The following TTLL7 variants were observed in gnomAD, a reference collection of about 807,000 sequenced individuals.
TTLL7 encodes tubulin tyrosine ligase like 7.
TTLL7 carries 53 observed loss-of-function variants against 120.2 expected under a neutral mutation model. The observed-to-expected ratio is 0.44, with a 90% CI of 0.35 to 0.55. The LOEUF is 0.55. Ranked by LOEUF, TTLL7 falls within the 20% of genes least tolerant of loss-of-function variation. TTLL7 has a pLI of 0.00. For synonymous variants in TTLL7, 353 were observed against 351.7 expected, an observed-to-expected ratio of 1.00 and a Z score of -0.04; for missense variants, 803 against 1,054.7, an observed-to-expected ratio of 0.76 and a Z score of 3.31.
Position 83,921,329 on chromosome 1 carries a change from T to G in TTLL7, c.1208A>C (p.Gln403Pro). Residue 403 changes from glutamine (Q) to proline (P), a missense_variant, in exon 11 of 21, where the codon CAA becomes CCA. Gln to Pro is a moderately conservative substitution (Grantham distance 76). This residue lies in a region of TTLL7 where 324 missense variants were observed against 507.7 expected (regional missense o/e 0.64). Coordinates refer to ENST00000260505, the MANE Select transcript of TTLL7 (RefSeq NM_024686.6). ...KAEAQRRLYG[Q>P]NSIKRLLPGS... is the part of the protein sequence containing the mutation. ...TGGTAAGAGCCTTTTAATTGAATTT[T>G]GACCATAGAGCCTCCTTTGAGCCTC... 1 of 1,612,784 alleles carries G rather than the reference T, an allele frequency of 6.2e-7. No individual in the cohort carries two copies. Among genetic ancestry groups the G allele is most frequent in the Non-Finnish European group, 8.5e-7 (1 of 1,179,824 alleles).
At chr1:83,911,667 G>A (rs1408475) in intron 14 of TTLL7, among the ~76,000 whole-genome samples, 6,275 of 152,062 alleles carry the variant, frequency 0.041, 154 homozygotes, top group Middle Eastern at 0.099. Flanking sequence ...AAATATTTGA[G>A]ATAAAAATAT....
rs371370514 is a variant in TTLL7 at position 83,989,334 on chromosome 1, C to T, written c.-177+9597G>A. Among the ~76,000 whole-genome samples, 99 of 152,230 alleles carry T rather than the reference C, an allele frequency of 6.5e-4. No individual in the cohort carries two copies. The South Asian group carries it at 0.012, about 19-fold the overall frequency. ...ACTTATATTTAAATCTTTAAAACAG[C>T]TAGTTTTTCTACACGGTGAGGGGTA... On this transcript the variant is annotated intron_variant, in intron 1 of 20. Transcript: ENST00000260505.
At chr1:83,960,249 G>A (rs893696318) in intron 1 of TTLL7, among the ~76,000 whole-genome samples, 2 of 152,106 alleles carry the variant, frequency 1.3e-5, no homozygotes, top group African/African-American at 4.8e-5. Context: ...GTCACTGAAG[G>A]ACTCTAAGAG....
At chr1:83,882,386 G>T (rs922600106) in intron 20 of TTLL7, among the ~76,000 whole-genome samples, 1 of 143,080 alleles carries the variant, frequency 7.0e-6, no homozygotes, top group African/African-American at 2.6e-5. Flanking sequence ...CAGTTGTCTT[G>T]AGAAATGCTA....
intron 1 of TTLL7, among the ~76,000 whole-genome samples, chr1:83,975,747 T>C (rs1043394810): frequency 2.0e-5 from 3 of 152,090 alleles, no homozygotes; most frequent in African/African-American, 7.2e-5. Context: ...CAAATCTGCA[T>C]ATTTCAAAGG....
At chr1:83,919,235 C>T (rs1658438839) in intron 13 of TTLL7, among the ~76,000 whole-genome samples, 1 of 149,538 alleles carries the variant, frequency 6.7e-6, no homozygotes, top group African/African-American at 2.5e-5. Flanking sequence ...ACTGCTAGAC[C>T]TTTTACTATG....
intron 8 of TTLL7, among the ~76,000 whole-genome samples, chr1:83,934,643 G>A (rs1647235529): frequency 6.6e-6 from 1 of 152,096 alleles, no homozygotes; most frequent in Non-Finnish European, 1.5e-5. Context: ...ATAAGCTGTA[G>A]GAGAAAAGCT....
intron 12 of TTLL7, 39 bp from the exon 13 acceptor site, chr1:83,919,873 G>A (rs1658496046): frequency 6.3e-7 from 1 of 1,592,522 alleles, no homozygotes; most frequent in Non-Finnish European, 8.6e-7. Context: ...TTAAAAAGAA[G>A]CTGTCGTAGC....
At chr1:83,941,840 T>C (rs574515088) in intron 7 of TTLL7, among the ~76,000 whole-genome samples, 1 of 152,304 alleles carries the variant, frequency 6.6e-6, no homozygotes, top group South Asian at 2.1e-4. Flanking sequence ...TGAAAACATA[T>C]CTACACAAAG....
intron 18 of TTLL7, among the ~76,000 whole-genome samples, chr1:83,891,646 T>C (rs1022076919): frequency 2.0e-5 from 3 of 152,076 alleles, no homozygotes; most frequent in Non-Finnish European, 4.4e-5. Context: ...TGTAAACACC[T>C]AGGAACAATC....
At chr1:83,984,821 T>A (rs1464423381) in intron 1 of TTLL7, among the ~76,000 whole-genome samples, 5 of 152,058 alleles carry the variant, frequency 3.3e-5, no homozygotes, top group African/African-American at 1.2e-4. Context: ...ACTGATTGGG[T>A]ACTATGCTCA....
Position 83,907,324 on chromosome 1 carries a change from T to C in TTLL7, c.1992+132A>G, listed in dbSNP as rs1156831640. On this transcript the variant is annotated intron_variant, in intron 16 of 20. Coordinates refer to ENST00000260505, the MANE Select transcript of TTLL7 (RefSeq NM_024686.6). ...ATTGTAGGCTAAGGTAGGTGAATAA[T>C]CCAAATTTCAAGAGGTCATGAGTTG... 6.6e-6 allele frequency: 5 copies of C among 756,998 alleles called. No individual in the cohort carries two copies. The East Asian group carries it at 8.2e-5, about 12-fold the overall frequency. The allele number at this position is 756,998 out of a possible 1,614,324, so 46.9% of individuals were successfully genotyped here.
intron 6 of TTLL7, among the ~76,000 whole-genome samples, chr1:83,943,120 C>T (rs190608637): frequency 2.7e-3 from 415 of 152,262 alleles, no homozygotes; most frequent in African/African-American, 9.5e-3. Flanking sequence ...TAACTTGGAA[C>T]TTTACCAGTG....
chr1:83,994,036 G>C (rs892424686), intron 1 of TTLL7, among the ~76,000 whole-genome samples: 3 of 152,162 alleles, frequency 2.0e-5, no homozygotes, highest in Non-Finnish European at 4.4e-5. Flanking sequence ...CACCTTCTAA[G>C]AGCTTACAAA....
At chr1:83,997,513 T>C (rs1279016379) in intron 1 of TTLL7, among the ~76,000 whole-genome samples, 1 of 152,224 alleles carries the variant, frequency 6.6e-6, no homozygotes, top group East Asian at 1.9e-4. Context: ...AACACTCATA[T>C]TTCTAAACTG....
rs752382563 is a variant in TTLL7 at position 83,951,980 on chromosome 1, T to TA, written c.26-5dup. 5.0e-5 allele frequency: 80 copies of TA among 1,597,652 alleles called. No homozygotes were observed. In the African/African-American group the frequency reaches 7.1e-4, roughly 14 times the overall value. ...AGGGGAGAGGGTCCCTGAATAACTT[T>TA]AAAAAAATGTAAAATAATCAGATAA... On this transcript the variant is annotated splice_region_variant and splice_polypyrimidine_tract_variant and intron_variant, in intron 2 of 20. Transcript: ENST00000260505.
chr1:83,988,623 T>A (rs377009510), intron 1 of TTLL7, among the ~76,000 whole-genome samples: 14 of 152,202 alleles, frequency 9.2e-5, no homozygotes, highest in East Asian at 3.8e-4. Context: ...GATTTGCATG[T>A]CTCTGGTGAT....
chr1:83,922,480 C>T (rs1397553188), intron 10 of TTLL7, among the ~76,000 whole-genome samples: 2 of 152,122 alleles, frequency 1.3e-5, no homozygotes, highest in Non-Finnish European at 2.9e-5. Context: ...CAAGTATGTA[C>T]CATCACAACT....
chr1:83,888,121 T>C (rs985401001), intron 19 of TTLL7, among the ~76,000 whole-genome samples: 2 of 152,050 alleles, frequency 1.3e-5, no homozygotes, highest in African/African-American at 4.8e-5. Flanking sequence ...TAGGGTCTGG[T>C]GTTGGAGATT....
Sources: allele counts gnomAD v4.1 joint callset (sites outside exome capture counted in the v4.1 genomes callset), GRCh38; gene constraint gnomAD v4.1.1; regional missense constraint gnomAD v4.1.1; transcripts MANE v1.5; gene names NCBI Gene and HGNC (gene_info 2026-07-23, HGNC 2026-07-21).